Variants in PIK3CD observed in about 807,000 individuals in gnomAD.
PIK3CD encodes phosphatidylinositol-4,5-bisphosphate 3-kinase catalytic subunit delta.
A neutral mutation model predicts 122.9 loss-of-function variants in PIK3CD; 20 were observed. The observed-to-expected ratio is 0.16, with a 90% CI of 0.11 to 0.24. The LOEUF is 0.24. Ranked by LOEUF, PIK3CD falls within the 10% of genes least tolerant of loss-of-function variation. The probability of loss-of-function intolerance (pLI) is 1.00; values close to 1 mark genes in which losing one functional copy is unlikely to be tolerated. For synonymous variants in PIK3CD, 596 were observed against 593.4 expected (o/e 1.00, Z -0.06); for missense variants, 787 against 1,406.3 (o/e 0.56, Z 7.04).
At chr1:9,659,755 C>T (rs1226313904) in intron 1 of PIK3CD, among the ~76,000 whole-genome samples, 1 of 151,990 alleles carries the variant, frequency 6.6e-6, no homozygotes, top group Admixed American at 6.6e-5. Context: ...GTACTACATT[C>T]TTTTCTTTTT....
At chr1:9,647,576 T>C (rs569855334), upstream of PIK3CD, among the ~76,000 whole-genome samples, 226 of 151,332 alleles carry the variant, frequency 1.5e-3, no homozygotes, top group African/African-American at 5.3e-3. Flanking sequence ...AGATCACAGC[T>C]CACTGCAACC....
intron 1 of PIK3CD, chr1:9,654,483 C>A: frequency 1.6e-6 from 2 of 1,276,410 alleles, no homozygotes; most frequent in Non-Finnish European, 1.1e-6. Context: ...AATGGTTGTG[C>A]GAAAGCCAGC....
In PIK3CD at chr1:9,724,530, C is replaced by A; in HGVS notation, c.2864+109C>A. 1 of 1,266,216 alleles carries A rather than the reference C, an allele frequency of 7.9e-7. No individual in the cohort carries two copies. Among genetic ancestry groups the A allele is most frequent in the Non-Finnish European group, 1.1e-6 (1 of 880,842 alleles). The allele number at this position is 1,266,216 out of a possible 1,614,324, so 78.4% of individuals were successfully genotyped here. On this transcript the variant is annotated intron_variant, in intron 22 of 23. Transcript: ENST00000377346. The surrounding 1 kb of genome is among the most constrained non-coding windows in gnomAD (Gnocchi z 7.3). ...TGGGGCTCAGGTCTCAACCCCACAC[C>A]TGGCCCCTCACCCCAACTGTTGATG...
rs775172291 is a variant in PIK3CD, at chr1:9,721,534, G to C, written c.1902G>C (p.Leu634=). 3 of 1,613,778 alleles carry C rather than the reference G, an allele frequency of 1.9e-6. No individual in the cohort carries two copies. In the East Asian group the frequency reaches 6.7e-5, roughly 36 times the overall value. Reference sequence around the variant, plus strand: ...ACTGCGAGCTGACCAAATTCCTGCTGGACCGGGCCCTGGCCAACCGCAAGA... The same window carrying C: ...ACTGCGAGCTGACCAAATTCCTGCTCGACCGGGCCCTGGCCAACCGCAAGA... ...YLDCELTKFL[L]DRALANRKIG... Residue 634 remains leucine (L), a synonymous_variant, in exon 15 of 24, where the codon CTG becomes CTC. Transcript: ENST00000377346.
In PIK3CD at chr1:9,727,244, CCTT is replaced by C. The variant is rs1270960918; in HGVS notation, c.*200_*202del. 5.3e-5 allele frequency: 35 copies of C among 659,786 alleles called. No homozygotes were observed. Among genetic ancestry groups the C allele is most frequent in the African/African-American group, 9.0e-5 (5 of 55,330 alleles). The allele number at this position is 659,786 out of a possible 1,614,324, so 40.9% of individuals were successfully genotyped here. The stretch of plus-strand genomic sequence containing the variant: ...TAAACAGCCATAAACGGAAACGCCT[CCTT>C]CATGCAGCGGCGGTGCTGGGCCCCC... On this transcript the variant is annotated 3_prime_UTR_variant, in exon 24 of 24. Transcript: ENST00000377346.
upstream of PIK3CD, among the ~76,000 whole-genome samples, chr1:9,649,079 G>A (rs1644633141): frequency 6.6e-6 from 1 of 151,670 alleles, no homozygotes; most frequent in Non-Finnish European, 1.5e-5. Context: ...TCCAGCCTGG[G>A]TGACAGAGCA....
intron 2 of PIK3CD, among the ~76,000 whole-genome samples, chr1:9,693,263 C>T (rs1360475968): frequency 6.6e-6 from 1 of 152,090 alleles, no homozygotes; most frequent in Non-Finnish European, 1.5e-5. Flanking sequence ...CTTGCTCTGT[C>T]ACCCAGGCTG....
At chr1:9,684,978 A>G (rs1645914315) in intron 1 of PIK3CD, among the ~76,000 whole-genome samples, 2 of 152,108 alleles carry the variant, frequency 1.3e-5, no homozygotes, top group African/African-American at 2.4e-5. Flanking sequence ...GGAAGCCTCA[A>G]TTAAGACAGA....
intron 2 of PIK3CD, among the ~76,000 whole-genome samples, chr1:9,703,725 A>G (rs1482087986): frequency 6.6e-6 from 1 of 152,204 alleles, no homozygotes; most frequent in East Asian, 1.9e-4. Flanking sequence ...TCTGCTCAGA[A>G]AGAGTATCAC....
Position 9,729,013 on chromosome 1 carries a change from G to C in PIK3CD, c.*1967G>C, listed in dbSNP as rs184417664. 6.6e-6 allele frequency: 1 copy of C among 152,202 alleles called. No homozygotes were observed. Among genetic ancestry groups the C allele is most frequent in the East Asian group, 1.9e-4 (1 of 5,204 alleles). 9.4% of individuals were successfully genotyped at this position (152,202 alleles called of 1,614,324 possible). On this transcript the variant is annotated 3_prime_UTR_variant, in exon 24 of 24. Coordinates refer to ENST00000377346, the MANE Select transcript of PIK3CD (RefSeq NM_005026.5). ...CAAAACAGGAGAGAAGACAAACCCCGCTCCGGCTGGAGTTAGTTAGAACCA... is the reference window on the plus strand; with the variant it reads ...CAAAACAGGAGAGAAGACAAACCCCCCTCCGGCTGGAGTTAGTTAGAACCA...
intron 1 of PIK3CD, among the ~76,000 whole-genome samples, chr1:9,663,443 G>GGCC (rs1367689417): frequency 6.6e-6 from 1 of 152,096 alleles, no homozygotes; most frequent in Non-Finnish European, 1.5e-5. Context: ...GGACCCAGAT[G>GGCC]GCCATCTCAA....
the PIK3CD span, among the ~76,000 whole-genome samples, chr1:9,628,333 A>G: frequency 6.6e-6 from 1 of 152,210 alleles, no homozygotes; most frequent in East Asian, 1.9e-4. Context: ...CTCTTAGCGC[A>G]GAAACATCCA....
intron 1 of PIK3CD, chr1:9,672,833 C>T (rs78631014): frequency 6.6e-6 from 1 of 152,056 alleles, no homozygotes; most frequent in East Asian, 1.9e-4. Context: ...CAAATGTAAA[C>T]ATTTTATTTT....
Position 9,718,583 on chromosome 1 carries a change from T to TA in PIK3CD, c.1021-110dup. On this transcript the variant is annotated intron_variant, in intron 8 of 23. Coordinates refer to ENST00000377346, the MANE Select transcript of PIK3CD (RefSeq NM_005026.5). The surrounding 1 kb of genome is among the most constrained non-coding windows in gnomAD (Gnocchi z 7.2). ...GCACCACCTTCCTTCGTGTGGGAAG[T>TA]AGAGTTCAGACCCACCTGAGGACAT... 1.0e-6 allele frequency: 1 copy of TA among 997,342 alleles called. No homozygotes were observed. The highest frequency in any genetic ancestry group is 1.5e-6 in the Non-Finnish European group (1 of 651,434). The allele number at this position is 997,342 out of a possible 1,614,324, so 61.8% of individuals were successfully genotyped here.
intron 1 of PIK3CD, among the ~76,000 whole-genome samples, chr1:9,667,918 T>G (rs1449690345): frequency 6.9e-6 from 1 of 145,888 alleles, no homozygotes; most frequent in Non-Finnish European, 1.5e-5. Context: ...GTTTTTTTTT[T>G]TTTTTTTTTT....
chr1:9,665,532 C>A (rs1183836191), intron 1 of PIK3CD, among the ~76,000 whole-genome samples: 2 of 151,832 alleles, frequency 1.3e-5, no homozygotes, highest in African/African-American at 4.8e-5. Flanking sequence ...TACATGCCGG[C>A]ACTGCAGCTT....
chr1:9,722,387 G>C lies in PIK3CD; in HGVS notation c.2347+31G>C, dbSNP rs776916607. 1 of 1,585,886 alleles carries C rather than the reference G, an allele frequency of 6.3e-7. No homozygotes were observed. Among genetic ancestry groups the C allele is most frequent in the Non-Finnish European group, 8.6e-7 (1 of 1,157,760 alleles). Reference sequence around the variant, plus strand: ...GGCCTGGCCTCCCCACACCCCGCCTGTACTGCCCTGGGGGGTCCTGGGGTG... The same window carrying C: ...GGCCTGGCCTCCCCACACCCCGCCTCTACTGCCCTGGGGGGTCCTGGGGTG... On this transcript the variant is annotated intron_variant, in intron 18 of 23. Transcript: ENST00000377346. This position sits in a 1 kb window ranked among gnomAD's most constrained non-coding sequence, Gnocchi z 7.6.
At position 9,710,291 on chromosome 1, in the gene PIK3CD, T is replaced by A. The variant is rs1000151753; in HGVS notation, c.-32-133T>A. 3.9e-6 allele frequency: 3 copies of A among 763,496 alleles called. No homozygotes were observed. In the Admixed American group the frequency reaches 5.7e-5, roughly 15 times the overall value. 47.3% of individuals were successfully genotyped at this position (763,496 alleles called of 1,614,324 possible). A position where few individuals can be genotyped will look rare whatever the true frequency, so the allele number is the denominator to read the frequency against. On this transcript the variant is annotated intron_variant, in intron 2 of 23. Coordinates refer to ENST00000377346, the MANE Select transcript of PIK3CD (RefSeq NM_005026.5). The surrounding 1 kb of genome is among the most constrained non-coding windows in gnomAD (Gnocchi z 4.7). ...GAGGCCCTGAGGGAGGTGAGCTTTT[T>A]GTACCCGCAGGTCGGGAACTCACTC...
At position 9,700,291 on chromosome 1, in the gene PIK3CD, T is replaced by C. The variant is rs1324800656; in HGVS notation, c.-33+8720T>C. ...GTCAGATCCCTCAGACGTTCACAGC[T>C]GGGACGCCGTTCTTCCACCTTGGGC... On this transcript the variant is annotated intron_variant, in intron 2 of 23. Coordinates refer to ENST00000377346, the MANE Select transcript of PIK3CD (RefSeq NM_005026.5). The surrounding 1 kb of genome is among the most constrained non-coding windows in gnomAD (Gnocchi z 5.1). Among the ~76,000 whole-genome samples the C allele has an allele frequency of 6.6e-6, 1 of 152,012 alleles. No homozygotes were observed. The highest frequency in any genetic ancestry group is 2.4e-5 in the African/African-American group (1 of 41,382).
Sources: gnomAD v4.1 joint callset for allele counts (sites outside exome capture counted in the v4.1 genomes callset) on GRCh38, gnomAD v4.1.1 for gene constraint, Gnocchi (gnomAD v3.1) non-coding constraint, MANE v1.5 for transcripts, NCBI Gene and HGNC (gene_info 2026-07-23, HGNC 2026-07-21) for gene names.